Variants in RASA3 observed in about 807,000 individuals in gnomAD.
RASA3 encodes ras GTPase-activating protein 3.
A neutral mutation model predicts 110.0 loss-of-function variants in RASA3; 73 were observed. The ratio of observed to expected loss-of-function variants is 0.66; its 90% confidence interval spans 0.55 to 0.81. RASA3 has a LOEUF of 0.81. Ranked by LOEUF, RASA3 falls within the 30% of genes least tolerant of loss-of-function variation. The probability of loss-of-function intolerance (pLI) is 0.00; values close to 1 mark genes in which losing one functional copy is unlikely to be tolerated. For missense variants in RASA3, 976 were observed against 1,113.2 expected (o/e 0.88, Z 1.75); for synonymous variants, 500 against 451.4 (o/e 1.11, Z -1.37).
intron 1 of RASA3, among the ~76,000 whole-genome samples, chr13:114,117,113 CGT>C (rs1208886258): frequency 8.3e-6 from 1 of 120,492 alleles, no homozygotes; most frequent in Non-Finnish European, 1.7e-5. Flanking sequence ...GAGGAGAGCA[CGT>C]GTGTGAGGGA....
chr13:114,032,057 T>TA (rs2054179949), intron 4 of RASA3, among the ~76,000 whole-genome samples: 1 of 152,058 alleles, frequency 6.6e-6, no homozygotes, highest in Non-Finnish European at 1.5e-5. Context: ...AAATAAATAA[T>TA]AAAATAATAG....
At chr13:113,996,510 G>C in intron 21 of RASA3, 21 bp downstream of exon 21, 2 of 1,605,732 alleles carry the variant, frequency 1.2e-6, no homozygotes, top group South Asian at 1.1e-5. Flanking sequence ...GCACGAGCTG[G>C]GCACCGAGGC....
At chr13:114,122,280 C>T (rs889840261) in intron 1 of RASA3, among the ~76,000 whole-genome samples, 5 of 152,250 alleles carry the variant, frequency 3.3e-5, no homozygotes, top group Admixed American at 6.5e-5. Context: ...CAGAAAAGCC[C>T]TCATCCCAAA....
At chr13:114,030,675 T>C (rs962686700) in intron 4 of RASA3, among the ~76,000 whole-genome samples, 6 of 152,244 alleles carry the variant, frequency 3.9e-5, no homozygotes, top group Non-Finnish European at 8.8e-5. Context: ...TCTGTCTGTG[T>C]GCACGGCTGT....
Position 114,009,428 on chromosome 13 carries a change from C to A in RASA3, c.1627G>T (p.Glu543Ter). The change falls in exon 17 of 24, where the codon GAA becomes TAA. Residue 543 changes from glutamate (E) to a stop codon, truncating the protein, a stop_gained. Transcript: ENST00000334062. LOFTEE classifies it high-confidence loss of function. ...FKESYMATFY[E>*]FFNEQKYADA... ...GCATATTTCTGCTCATTGAAGAATT[C>A]ATAAAATGTAGCCATGTAGGACTCC... 3 of 1,612,572 alleles carry A rather than the reference C, an allele frequency of 1.9e-6. No individual in the cohort carries two copies. Among genetic ancestry groups the A allele is most frequent in the Non-Finnish European group, 2.5e-6 (3 of 1,179,650 alleles).
intron 2 of RASA3, among the ~76,000 whole-genome samples, chr13:114,061,777 A>G (rs1026488327): frequency 6.6e-6 from 1 of 152,132 alleles, no homozygotes; most frequent in Non-Finnish European, 1.5e-5. Flanking sequence ...GCTCATTACA[A>G]AGCGTGGCAG....
intron 1 of RASA3, among the ~76,000 whole-genome samples, chr13:114,130,091 G>C (rs2080497750): frequency 6.6e-6 from 1 of 152,180 alleles, no homozygotes; most frequent in Admixed American, 6.5e-5. Flanking sequence ...TGGAGCCCCG[G>C]GGTATCAGGC....
chr13:114,122,270 C>T (rs931463757), intron 1 of RASA3, among the ~76,000 whole-genome samples: 30 of 152,228 alleles, frequency 2.0e-4, no homozygotes, highest in African/African-American at 7.0e-4. Context: ...TGGAATTCCC[C>T]AGAAAAGCCC....
intron 21 of RASA3, among the ~76,000 whole-genome samples, chr13:113,996,191 A>AG (rs1420615736): frequency 6.6e-6 from 1 of 152,012 alleles, no homozygotes; most frequent in African/African-American, 2.4e-5. Context: ...GCTTTCAGGG[A>AG]GGGGCTTGCT....
intron 19 of RASA3, among the ~76,000 whole-genome samples, chr13:114,000,149 TTGGGGGTGTCTCTGCTGGGGGTCTCTGC>T (rs2053360158): frequency 1.2e-5 from 1 of 85,638 alleles, no homozygotes; most frequent in Non-Finnish European, 2.2e-5. Context: ...GGGGTCTCTG[TTGGGGGTGTCTCTGCTGGGGGTCTCTGC>T]CAGCTGGGGG....
intron 1 of RASA3, among the ~76,000 whole-genome samples, chr13:114,088,759 A>C (rs2079852595): frequency 6.6e-6 from 1 of 152,184 alleles, no homozygotes; most frequent in Non-Finnish European, 1.5e-5. Context: ...CATGTTGGTC[A>C]GGCTGGTCTT....
At chr13:114,013,117 C>T (rs7322518) in intron 15 of RASA3, 25 bp downstream of exon 15, 752,059 of 1,594,356 alleles carry the variant, frequency 0.47, 184,417 homozygotes, top group African/African-American at 0.77. Context: ...CTCAGAAAGC[C>T]TCGGTCCCTC....
intron 1 of RASA3, among the ~76,000 whole-genome samples, chr13:114,074,882 G>A (rs928126542): frequency 6.6e-6 from 1 of 152,250 alleles, no homozygotes; most frequent in African/African-American, 2.4e-5. Context: ...CAAGCCTAAC[G>A]GCCCAGTTTA....
At chr13:114,095,599 G>A (rs1039882018) in intron 1 of RASA3, among the ~76,000 whole-genome samples, 2 of 152,114 alleles carry the variant, frequency 1.3e-5, no homozygotes, top group African/African-American at 2.4e-5. Context: ...ATGGAGACTT[G>A]TTTATGTCAT....
intron 1 of RASA3, among the ~76,000 whole-genome samples, chr13:114,091,846 T>C (rs200764899): frequency 5.9e-5 from 9 of 152,208 alleles, no homozygotes; most frequent in East Asian, 3.9e-4. Flanking sequence ...TGCTGGGAGA[T>C]TTTTTGTTCT....
In RASA3 at chr13:114,092,616, T is replaced by G. The variant is rs190657002; in HGVS notation, c.56-18779A>C. ...TCCTGGAGAATGTTCCACTTGCCAA[T>G]GAGAATAATGTGTATTCTGCAGCTG... On this transcript the variant is annotated intron_variant, in intron 1 of 23. Transcript: ENST00000334062. 3.7e-3 allele frequency among the ~76,000 whole-genome samples: 571 copies of G among 152,316 alleles called. 8 individuals are homozygous for G. Among genetic ancestry groups the G allele is most frequent in the Non-Finnish European group, 5.3e-4 (36 of 68,028 alleles).
At chr13:114,012,606 G>A (rs111174341) in intron 15 of RASA3, among the ~76,000 whole-genome samples, 122 of 48,166 alleles carry the variant, frequency 2.5e-3, no homozygotes, top group South Asian at 6.8e-3. Context: ...CTCATTCCAC[G>A]CACACTCCCC....
At chr13:114,091,136 GTCCCA>G (rs2079885867) in intron 1 of RASA3, among the ~76,000 whole-genome samples, 1 of 152,074 alleles carries the variant, frequency 6.6e-6, no homozygotes, top group African/African-American at 2.4e-5. Context: ...TTAAATAACA[GTCCCA>G]TTGCTATTTC....
chr13:114,127,688 C>T (rs1296298004), intron 1 of RASA3, among the ~76,000 whole-genome samples: 1 of 152,150 alleles, frequency 6.6e-6, no homozygotes, highest in Non-Finnish European at 1.5e-5. Flanking sequence ...CAGGAAGATC[C>T]CTTGAGTCCT....
Sources: allele counts gnomAD v4.1 joint callset (sites outside exome capture counted in the v4.1 genomes callset), GRCh38; gene constraint gnomAD v4.1.1; transcripts MANE v1.5; gene names NCBI Gene and HGNC (gene_info 2026-07-23, HGNC 2026-07-21).